Variants in PCDH11X observed in about 807,000 individuals in gnomAD.
The protein encoded by PCDH11X is protocadherin-11 X-linked.
Under a neutral mutation model 53.3 loss-of-function variants are expected in PCDH11X, and 18 were observed. The ratio of observed to expected loss-of-function variants is 0.34; its 90% CI spans 0.23 to 0.50. The LOEUF (loss-of-function observed/expected upper bound fraction) is 0.50. Among genes scored for constraint, PCDH11X ranks in the 20% least tolerant of loss-of-function variants. The pLI is 0.98. For missense variants in PCDH11X, 570 were observed against 1,032.4 expected (o/e 0.55, Z 6.14); for synonymous variants, 279 against 393.3 (o/e 0.71, Z 3.44).
chrX:92,367,959 T>A (rs1271381561), intron 8 of PCDH11X, among the ~76,000 whole-genome samples: 1 of 104,094 alleles, frequency 9.6e-6, no homozygotes, highest in East Asian at 3.1e-4. Context: ...GAGAATCTGA[T>A]GATTATGTGT....
chrX:92,171,002 G>T (rs188604919), intron 6 of PCDH11X, among the ~76,000 whole-genome samples: 18 of 99,433 alleles, frequency 1.8e-4, no homozygotes, highest in Non-Finnish European at 2.1e-5. Flanking sequence ...AGAGACAGAA[G>T]TCTCACTATG....
intron 6 of PCDH11X, among the ~76,000 whole-genome samples, chrX:92,196,956 G>A (rs1040896910): frequency 3.6e-5 from 4 of 111,235 alleles, no homozygotes; most frequent in African/African-American, 9.8e-5. Context: ...CAAACCAAGA[G>A]GATAATTACA....
chrX:92,574,683 A>G (rs1317758622), intron 10 of PCDH11X, among the ~76,000 whole-genome samples: 1 of 111,235 alleles, frequency 9.0e-6, no homozygotes, highest in Non-Finnish European at 1.9e-5. Flanking sequence ...GTTTCCTCAT[A>G]TCGAGTGCAC....
chrX:92,320,879 A>G lies in PCDH11X; in HGVS notation c.3144+57736A>G, dbSNP rs1157494090. 2.2e-4 allele frequency among the ~76,000 whole-genome samples: 24 copies of G among 109,914 alleles called. No homozygotes were observed. In the Admixed American group the frequency reaches 2.4e-3, roughly 11 times the overall value. On this transcript the variant is annotated intron_variant, in intron 8 of 10. Transcript: ENST00000682573. ...ACAGGTTACAGGAGGAGCTATGAAT[A>G]TTTATGAAGATCCTGACACATCTAT... is the stretch of plus-strand genomic sequence containing the variant.
chrX:91,970,240 A>C (rs1453442517), intron 6 of PCDH11X, among the ~76,000 whole-genome samples: 1 of 111,199 alleles, frequency 9.0e-6, no homozygotes, highest in African/African-American at 3.3e-5. Context: ...CAAAGCTTCC[A>C]CCACGTGGAA....
At chrX:92,407,060 A>ATT (rs1196848907) in intron 9 of PCDH11X, among the ~76,000 whole-genome samples, 1 of 100,785 alleles carries the variant, frequency 9.9e-6, no homozygotes, top group South Asian at 5.1e-4. Flanking sequence ...CCCAATTATT[A>ATT]TTTTTTGTAT....
At chrX:91,929,657 C>T (rs2525116) in intron 6 of PCDH11X, among the ~76,000 whole-genome samples, 1 of 111,029 alleles carries the variant, frequency 9.0e-6, no homozygotes, top group African/African-American at 3.3e-5. Context: ...CAGTAATCTC[C>T]GGGAAATAAT....
At chrX:92,090,866 C>T (rs2759964) in intron 6 of PCDH11X, among the ~76,000 whole-genome samples, 1 of 112,010 alleles carries the variant, frequency 8.9e-6, no homozygotes, top group Non-Finnish European at 1.9e-5. Context: ...TCATGTATAA[C>T]GACTTTTGAA....
chrX:91,809,495 A>G lies in PCDH11X; in HGVS notation c.-349A>G, dbSNP rs1200927990. Among the ~76,000 whole-genome samples the G allele has an allele frequency of 9.3e-6, 1 of 107,645 alleles. No homozygotes were observed. The highest frequency in any genetic ancestry group is 1.9e-5 in the Non-Finnish European group (1 of 52,044). 93.5% of individuals were successfully genotyped at this position (107,645 alleles called of 115,157 possible). A position where few individuals can be genotyped will look rare whatever the true frequency, so the allele number is the denominator to read the frequency against. ...TGCTTAAAAAGTACAGATCAACTGG[A>G]TGGATGAATGGATGGAAGAGGATGG... On this transcript the variant is annotated 5_prime_UTR_variant, in exon 2 of 11. An upstream start codon of the reference 5' UTR is lost. Coordinates refer to ENST00000682573, the MANE Select transcript of PCDH11X (RefSeq NM_032968.5).
chrX:92,320,414 TTC>T (rs370928083), intron 8 of PCDH11X, among the ~76,000 whole-genome samples: 33 of 107,127 alleles, frequency 3.1e-4, no homozygotes, highest in Admixed American at 5.0e-4. Flanking sequence ...CTCTCTTTCT[TTC>T]TCTCTCTCTC....
chrX:92,359,942 A>G (rs1413095598), intron 8 of PCDH11X, among the ~76,000 whole-genome samples: 1 of 110,840 alleles, frequency 9.0e-6, no homozygotes, highest in Non-Finnish European at 1.9e-5. Context: ...GCCTTTTCAA[A>G]TGAGTTGTCT....
chrX:92,546,178 T>C (rs948329500), intron 10 of PCDH11X, among the ~76,000 whole-genome samples: 1 of 111,070 alleles, frequency 9.0e-6, no homozygotes, highest in African/African-American at 3.2e-5. Context: ...AAGTTCTTTA[T>C]TGTGTAATGG....
chrX:92,564,977 C>A (rs1921294982), intron 10 of PCDH11X, among the ~76,000 whole-genome samples: 1 of 110,751 alleles, frequency 9.0e-6, no homozygotes, highest in Non-Finnish European at 1.9e-5. Context: ...ATAGACATTT[C>A]TCAAAAGAAT....
At chrX:91,865,606 C>T (rs1057052709) in intron 5 of PCDH11X, among the ~76,000 whole-genome samples, 7 of 111,855 alleles carry the variant, frequency 6.3e-5, no homozygotes, top group Non-Finnish European at 1.3e-4. Context: ...TCTCTGGGAC[C>T]AGGTGGGTAC....
At chrX:92,464,136 A>T (rs1244200222) in intron 9 of PCDH11X, among the ~76,000 whole-genome samples, 2 of 111,807 alleles carry the variant, frequency 1.8e-5, no homozygotes, top group Non-Finnish European at 3.8e-5. Flanking sequence ...ATGGATAGAA[A>T]CTTTAATATA....
At chrX:91,802,395 C>T (rs1935965196) in intron 1 of PCDH11X, among the ~76,000 whole-genome samples, 2 of 111,915 alleles carry the variant, frequency 1.8e-5, no homozygotes, top group Admixed American at 9.5e-5. Context: ...CACCACCACA[C>T]GTTGTCTTGT....
chrX:91,955,878 T>C (rs1419159990), intron 6 of PCDH11X, among the ~76,000 whole-genome samples: 4 of 110,453 alleles, frequency 3.6e-5, no homozygotes, highest in Non-Finnish European at 5.7e-5. Context: ...CCCTCACTAT[T>C]ATTGTGTGGG....
intron 6 of PCDH11X, among the ~76,000 whole-genome samples, chrX:92,090,593 T>C (rs969101023): frequency 2.7e-5 from 3 of 110,826 alleles, no homozygotes; most frequent in Non-Finnish European, 5.7e-5. Context: ...GAGGCATATA[T>C]GGGAAAGTGG....
chrX:92,278,172 G>C lies in PCDH11X; in HGVS notation c.3144+15029G>C, dbSNP rs184974908. Among the ~76,000 whole-genome samples the C allele has an allele frequency of 9.6e-3, 1,074 of 111,577 alleles. 21 individuals carry two copies. Among genetic ancestry groups the C allele is most frequent in the African/African-American group, 0.033 (1,022 of 30,687 alleles). The stretch of plus-strand genomic sequence containing the variant: ...AAGATTGAAAGGAGAAAGAGGTTGA[G>C]GGATAGTGAGGGAGGTTGGAGAAGA... On this transcript the variant is annotated intron_variant, in intron 8 of 10. Transcript: ENST00000682573.
Sources: gnomAD v4.1 joint callset for allele counts (sites outside exome capture counted in the v4.1 genomes callset) on GRCh38, gnomAD v4.1.1 for gene constraint, MANE v1.5 for transcripts, NCBI Gene and HGNC (gene_info 2026-07-23, HGNC 2026-07-21) for gene names.